ETV5: variants seen among roughly 807,000 people sequenced by gnomAD.
ETV5 encodes the protein ETS translocation variant 5.
ETV5 carries 10 observed loss-of-function variants against 70.0 expected under a neutral mutation model. The ratio of observed to expected loss-of-function variants is 0.14; its 90% CI spans 0.09 to 0.24. The LOEUF is 0.24. Ranked by LOEUF, ETV5 falls within the 10% of genes least tolerant of loss-of-function variation. The probability of loss-of-function intolerance (pLI) is 1.00; values close to 1 mark genes in which losing one functional copy is unlikely to be tolerated. For synonymous variants in ETV5, 216 were observed against 242.2 expected (o/e 0.89, Z 1.01); for missense variants, 453 against 651.2 (o/e 0.70, Z 3.31).
rs114628008 is a variant in ETV5, at chr3:186,048,771, C to T, written c.1401G>A (p.Leu467=). 18 of 1,614,114 alleles carry T rather than the reference C, an allele frequency of 1.1e-5. No homozygotes were observed. The African/African-American group carries it at 1.9e-4, about 17-fold the overall frequency. Residue 467 remains leucine (L), a synonymous_variant, in exon 13 of 13, where the codon CTG becomes CTA. Coordinates refer to ENST00000306376, the MANE Select transcript of ETV5 (RefSeq NM_004454.3). ...TGAGGTGGCACTCGGACTCTGCCTT[C>T]AGGAACGGACGCTGGTTATCCGGGA... The part of the protein sequence containing the change: ...MAFPDNQRPF[L]KAESECHLSE...
At chr3:186,103,972 C>T (rs1714527034) in intron 5 of ETV5, among the ~76,000 whole-genome samples, 1 of 152,320 alleles carries the variant, frequency 6.6e-6, no homozygotes, top group African/African-American at 2.4e-5. Flanking sequence ...ACTCTCTCTC[C>T]AGTGGCATTT....
intron 9 of ETV5, among the ~76,000 whole-genome samples, chr3:186,061,122 AC>A (rs1306666150): frequency 1.3e-5 from 2 of 152,314 alleles, no homozygotes; most frequent in African/African-American, 4.8e-5. Flanking sequence ...GCTCTTATGA[AC>A]TAATCACTTA....
At position 186,049,821 on chromosome 3, in the gene ETV5, A is replaced by C. The variant is rs569520606; in HGVS notation, c.1312-961T>G. 3.3e-5 allele frequency among the ~76,000 whole-genome samples: 5 copies of C among 152,276 alleles called. No individual in the cohort carries two copies. In the East Asian group the frequency reaches 7.7e-4, roughly 24 times the overall value. On this transcript the variant is annotated intron_variant, in intron 12 of 12. Transcript: ENST00000306376. Reference sequence around the variant, plus strand: ...TGGTTTTACCTTAAAGCCCAACCCCAAAAATTAGTTTGTGTGGGAGAGTGA... The same window carrying C: ...TGGTTTTACCTTAAAGCCCAACCCCCAAAATTAGTTTGTGTGGGAGAGTGA...
At chr3:186,076,374 A>T (rs1713789759) in intron 7 of ETV5, 1 of 198,014 alleles carries the variant, frequency 5.1e-6, no homozygotes, top group African/African-American at 2.3e-5. Flanking sequence ...GGGAGTTTTG[A>T]CCTGCTCTGT....
intron 5 of ETV5, among the ~76,000 whole-genome samples, chr3:186,083,140 G>T (rs1713971779): frequency 6.6e-6 from 1 of 152,204 alleles, no homozygotes; most frequent in Admixed American, 6.5e-5. Flanking sequence ...ATTTGACACA[G>T]AAATCCCTTC....
Position 186,046,585 on chromosome 3 carries a change from C to A in ETV5, c.*2054G>T. 1 of 223,370 alleles carries A rather than the reference C, an allele frequency of 4.5e-6. No individual in the cohort carries two copies. The highest frequency in any genetic ancestry group is 8.7e-6 in the Non-Finnish European group (1 of 114,342). 13.8% of individuals were successfully genotyped at this position (223,370 alleles called of 1,614,324 possible). A position where few individuals can be genotyped will look rare whatever the true frequency, so the allele number is the denominator to read the frequency against. On this transcript the variant is annotated 3_prime_UTR_variant, in exon 13 of 13. Transcript: ENST00000306376. The stretch of plus-strand genomic sequence containing the variant: ...CGCTGTCCTATGCCCAGTGACAGCA[C>A]AGGTCACGTAAGTTACAGCAGGGGA...
In ETV5 at chr3:186,046,931, CATAGCT is replaced by C. The variant is rs1437292641; in HGVS notation, c.*1702_*1707del. The C allele has an allele frequency of 4.3e-6, 1 of 230,758 alleles. No homozygotes were observed. The highest frequency in any genetic ancestry group is 8.6e-6 in the Non-Finnish European group (1 of 116,314). 14.3% of individuals were successfully genotyped at this position (230,758 alleles called of 1,614,324 possible). On this transcript the variant is annotated 3_prime_UTR_variant, in exon 13 of 13. Coordinates refer to ENST00000306376, the MANE Select transcript of ETV5 (RefSeq NM_004454.3). ...CCAATAGAGGAGAATCTCATGTTTCCATAGCTATAAAGTGCACCCCTTATCCCTGCG... is the reference window on the plus strand; with the variant it reads ...CCAATAGAGGAGAATCTCATGTTTCCATAAAGTGCACCCCTTATCCCTGCG...
At chr3:186,077,986 G>A (rs1418880145) in intron 7 of ETV5, 1 of 1,061,878 alleles carries the variant, frequency 9.4e-7, no homozygotes, top group Non-Finnish European at 1.1e-6. Context: ...CCCAAGAAAA[G>A]AAATACCTGC....
chr3:186,066,615 T>C (rs1713452999), intron 7 of ETV5, among the ~76,000 whole-genome samples: 1 of 152,090 alleles, frequency 6.6e-6, no homozygotes. Flanking sequence ...AATCTCAAAA[T>C]TGTTTTCAGA....
At chr3:186,075,167 C>A (rs770704374) in intron 7 of ETV5, among the ~76,000 whole-genome samples, 1 of 152,126 alleles carries the variant, frequency 6.6e-6, no homozygotes, top group Admixed American at 6.5e-5. Flanking sequence ...AAAAAACCTA[C>A]GCACTCTAAC....
chr3:186,057,680 G>C lies in ETV5; in HGVS notation c.971-189C>G, dbSNP rs987564245. Among the ~76,000 whole-genome samples, 1 of 152,180 alleles carries C rather than the reference G, an allele frequency of 6.6e-6. No individual in the cohort carries two copies. The highest frequency in any genetic ancestry group is 6.5e-5 in the Admixed American group (1 of 15,284). On this transcript the variant is annotated intron_variant, in intron 9 of 12. Coordinates refer to ENST00000306376, the MANE Select transcript of ETV5 (RefSeq NM_004454.3). This position sits in a 1 kb window ranked among gnomAD's most constrained non-coding sequence, Gnocchi z 4.9. ...CATTCCAATTCTGATGTAATCACCT[G>C]CGCCTCAGTCAGAGCAGCATCAATT...
chr3:186,100,029 C>T (rs562139410), intron 5 of ETV5, among the ~76,000 whole-genome samples: 4 of 152,264 alleles, frequency 2.6e-5, no homozygotes, highest in African/African-American at 7.2e-5. Flanking sequence ...TAAGTAAATG[C>T]GTACTGTAGG....
chr3:186,056,769 A>C lies in ETV5; in HGVS notation c.1209+306T>G, dbSNP rs1325274016. 3.3e-5 allele frequency among the ~76,000 whole-genome samples: 5 copies of C among 152,370 alleles called. No individual in the cohort carries two copies. The East Asian group carries it at 9.6e-4, about 29-fold the overall frequency. The stretch of plus-strand genomic sequence containing the variant: ...GTCTGTATCATTGAAACAGCACCTG[A>C]AAAAGACTTTCCAAGAGGGAGAGCA... On this transcript the variant is annotated intron_variant, in intron 11 of 12. Transcript: ENST00000306376.
At chr3:186,055,633 T>A (rs1713141371) in intron 11 of ETV5, among the ~76,000 whole-genome samples, 2 of 152,252 alleles carry the variant, frequency 1.3e-5, no homozygotes, top group Admixed American at 1.3e-4. Context: ...TTGCCTTGAA[T>A]GAAGTCTGCC....
intron 5 of ETV5, among the ~76,000 whole-genome samples, chr3:186,103,754 A>G (rs1714522881): frequency 6.6e-6 from 1 of 152,126 alleles, no homozygotes; most frequent in Non-Finnish European, 1.5e-5. Context: ...ACATGCATTT[A>G]CTCTCCCATA....
intron 8 of ETV5, among the ~76,000 whole-genome samples, chr3:186,064,932 A>G (rs1578542821): frequency 6.6e-6 from 1 of 152,256 alleles, no homozygotes; most frequent in East Asian, 1.9e-4. Context: ...ATTTTGCTCC[A>G]ACAGGTGGGA....
At chr3:186,070,950 G>GA (rs1713616964) in intron 7 of ETV5, among the ~76,000 whole-genome samples, 1 of 152,172 alleles carries the variant, frequency 6.6e-6, no homozygotes, top group Admixed American at 6.5e-5. Flanking sequence ...CACATTTGGT[G>GA]AGCAAAGGGA....
chr3:186,105,201 A>T lies in ETV5; in HGVS notation c.232+104T>A. ...TATTAGAAGAAACTAAATGCATACT[A>T]CTGTCTAAATCTGGCCATAGCTGAA... On this transcript the variant is annotated intron_variant, in intron 5 of 12. Coordinates refer to ENST00000306376, the MANE Select transcript of ETV5 (RefSeq NM_004454.3). The surrounding 1 kb of genome is among the most constrained non-coding windows in gnomAD (Gnocchi z 4.5). The T allele has an allele frequency of 1.1e-6, 1 of 870,946 alleles. No homozygotes were observed. Among genetic ancestry groups the T allele is most frequent in the Non-Finnish European group, 1.8e-6 (1 of 548,166 alleles). The allele number at this position is 870,946 out of a possible 1,614,324, so 54.0% of individuals were successfully genotyped here.
chr3:186,067,211 GA>G (rs1713468814), intron 7 of ETV5, among the ~76,000 whole-genome samples: 1 of 152,198 alleles, frequency 6.6e-6, no homozygotes, highest in South Asian at 2.1e-4. Context: ...AATGCGGGGG[GA>G]TCACGAGGTC....
Sources: gnomAD v4.1 joint callset for allele counts (sites outside exome capture counted in the v4.1 genomes callset) on GRCh38, gnomAD v4.1.1 for gene constraint, Gnocchi (gnomAD v3.1) non-coding constraint, MANE v1.5 for transcripts, NCBI Gene and HGNC (gene_info 2026-07-23, HGNC 2026-07-21) for gene names.